KCNK10: variants seen among roughly 807,000 people sequenced by gnomAD.
KCNK10 encodes the protein potassium channel subfamily K member 10.
Under a neutral mutation model 47.7 loss-of-function variants are expected in KCNK10, and 25 were observed. That is an observed-to-expected ratio of 0.52 (90% CI 0.38 to 0.73). The LOEUF (loss-of-function observed/expected upper bound fraction) is 0.73. KCNK10 is among the 30% of genes least tolerant of loss of function. The pLI, the probability that KCNK10 is intolerant of heterozygous loss-of-function variation, is 0.00. For synonymous variants in KCNK10, 303 were observed against 285.6 expected (o/e 1.06, Z -0.61); for missense variants, 563 against 714.5 (o/e 0.79, Z 2.42).
intron 1 of KCNK10, among the ~76,000 whole-genome samples, chr14:88,281,710 A>ATC (rs1201508760): frequency 1.5e-5 from 2 of 136,010 alleles, no homozygotes; most frequent in Admixed American, 7.9e-5. Context: ...AAATAAATAA[A>ATC]TCTCTCTCTC....
intron 5 of KCNK10, among the ~76,000 whole-genome samples, chr14:88,189,687 T>G (rs1051979187): frequency 1.4e-4 from 21 of 152,142 alleles, no homozygotes; most frequent in African/African-American, 4.6e-4. Flanking sequence ...GCAAAATAAA[T>G]CAGCAATCAA....
At chr14:88,250,728 G>A (rs1324417722) in intron 2 of KCNK10, among the ~76,000 whole-genome samples, 1 of 152,144 alleles carries the variant, frequency 6.6e-6, no homozygotes, top group East Asian at 1.9e-4. Context: ...AAGACAACAA[G>A]GTGAGTTTTT....
In KCNK10 at chr14:88,269,197, T is replaced by G. The variant is rs544964988; in HGVS notation, c.53-5646A>C. On this transcript the variant is annotated intron_variant, in intron 1 of 6. Coordinates refer to ENST00000319231, the MANE Select transcript of KCNK10 (RefSeq NM_138317.3). ...CCTAAATGTGGGTGATATGGAGGGG[T>G]ACATGTGGAAATCTGCTTTTTCATG... Among the ~76,000 whole-genome samples the G allele has an allele frequency of 1.3e-4, 20 of 152,198 alleles. No homozygotes were observed. In the South Asian group the frequency reaches 4.1e-3, roughly 32 times the overall value.
chr14:88,290,053 G>T (rs1005864558), intron 1 of KCNK10, among the ~76,000 whole-genome samples: 3 of 152,202 alleles, frequency 2.0e-5, no homozygotes, highest in African/African-American at 7.2e-5. Context: ...GTCCCCCAAA[G>T]ATGTCCATGT....
intron 1 of KCNK10, among the ~76,000 whole-genome samples, chr14:88,266,465 T>A (rs1348410781): frequency 3.9e-5 from 6 of 152,206 alleles, no homozygotes; most frequent in Non-Finnish European, 8.8e-5. Flanking sequence ...AGGCCCAGCG[T>A]GCTGATCTTC....
At chr14:88,225,707 T>C (rs555256020) in intron 4 of KCNK10, among the ~76,000 whole-genome samples, 1 of 152,340 alleles carries the variant, frequency 6.6e-6, no homozygotes, top group Admixed American at 6.5e-5. Context: ...GCCAGATCAG[T>C]CATTTCCCCA....
intron 4 of KCNK10, among the ~76,000 whole-genome samples, chr14:88,207,823 T>C (rs1008434007): frequency 6.6e-6 from 1 of 152,000 alleles, no homozygotes; most frequent in Admixed American, 6.5e-5. Context: ...GAGATGAATG[T>C]TATTCTTGGG....
chr14:88,259,696 A>G (rs1887055550), intron 2 of KCNK10, among the ~76,000 whole-genome samples: 2 of 152,174 alleles, frequency 1.3e-5, no homozygotes, highest in Non-Finnish European at 2.9e-5. Flanking sequence ...GGCTCAAGCA[A>G]TCCATCCGCC....
At position 88,192,316 on chromosome 14, in the gene KCNK10, A is replaced by G; in HGVS notation, c.776T>C (p.Ile259Thr). The change falls in exon 5 of 7, where the codon ATC (isoleucine) becomes ACC (threonine). Residue 259 changes from isoleucine to threonine, a missense_variant. By Grantham distance (89) the Ile-to-Thr change is moderately conservative. Transcript: ENST00000319231. ...CIVFVTIPAV[I>T]FKYIEGWTAL... ...CGTCCAGCCCTCGATGTACTTAAAGATGACAGCAGGGATCGTCACAAACAC... is the reference window on the plus strand; with the variant it reads ...CGTCCAGCCCTCGATGTACTTAAAGGTGACAGCAGGGATCGTCACAAACAC... 6.2e-7 allele frequency: 1 copy of G among 1,614,180 alleles called. No individual in the cohort carries two copies. The highest frequency in any genetic ancestry group is 8.5e-7 in the Non-Finnish European group (1 of 1,180,030).
intron 1 of KCNK10, among the ~76,000 whole-genome samples, chr14:88,300,742 A>T (rs1311589432): frequency 1.3e-5 from 2 of 152,222 alleles, no homozygotes; most frequent in Admixed American, 1.3e-4. Flanking sequence ...ATCTGGATTC[A>T]TTCCTAATGC....
chr14:88,235,968 A>G (rs1886287440), intron 3 of KCNK10, among the ~76,000 whole-genome samples: 1 of 152,218 alleles, frequency 6.6e-6, no homozygotes. Context: ...GTTTCCCCCA[A>G]CAGCTGCATA....
chr14:88,235,773 C>T (rs1311642523), intron 3 of KCNK10, among the ~76,000 whole-genome samples: 1 of 151,836 alleles, frequency 6.6e-6, no homozygotes, highest in Non-Finnish European at 1.5e-5. Flanking sequence ...CTGTAATCTC[C>T]CAAAGAACAA....
At chr14:88,192,492 G>A in intron 4 of KCNK10, 82 bp from the exon 5 acceptor site, 1 of 1,217,996 alleles carries the variant, frequency 8.2e-7, no homozygotes, top group South Asian at 1.4e-5. Flanking sequence ...AAACGGTACT[G>A]TGTCAGTGAC....
intron 4 of KCNK10, among the ~76,000 whole-genome samples, chr14:88,222,656 A>T (rs1885855686): frequency 6.6e-6 from 1 of 152,086 alleles, no homozygotes; most frequent in Non-Finnish European, 1.5e-5. Context: ...GGGCAAGGGG[A>T]TATGGGATAT....
upstream of KCNK10, among the ~76,000 whole-genome samples, chr14:88,324,578 G>GGC (rs1346308358): frequency 1.3e-5 from 2 of 152,112 alleles, no homozygotes; most frequent in Non-Finnish European, 2.9e-5. Flanking sequence ...CTGGCCATAT[G>GGC]GCAGAGAACA....
At chr14:88,217,729 CT>C (rs112016929) in intron 4 of KCNK10, among the ~76,000 whole-genome samples, 50 of 146,980 alleles carry the variant, frequency 3.4e-4, no homozygotes, top group African/African-American at 7.0e-4. Flanking sequence ...TAATTTGAAT[CT>C]TTTTTTTTTT....
intron 1 of KCNK10, among the ~76,000 whole-genome samples, chr14:88,291,712 G>C (rs116103008): frequency 0.011 from 1,671 of 152,292 alleles, 39 homozygotes; most frequent in African/African-American, 0.039. Context: ...ATGCCCTCTG[G>C]AGGTGTGCAA....
intron 2 of KCNK10, among the ~76,000 whole-genome samples, chr14:88,242,514 G>A (rs552137343): frequency 1.3e-5 from 2 of 152,332 alleles, no homozygotes; most frequent in South Asian, 4.1e-4. Context: ...CAAGTCGTGA[G>A]TCTATTCTTT....
At chr14:88,242,016 A>G (rs549801688) in intron 2 of KCNK10, among the ~76,000 whole-genome samples, 1 of 152,370 alleles carries the variant, frequency 6.6e-6, no homozygotes, top group African/African-American at 2.4e-5. Flanking sequence ...GACAGGTGGA[A>G]GCCTTGGAGA....
Sources: gnomAD v4.1 joint callset for allele counts (sites outside exome capture counted in the v4.1 genomes callset) on GRCh38, gnomAD v4.1.1 for gene constraint, MANE v1.5 for transcripts, NCBI Gene and HGNC (gene_info 2026-07-23, HGNC 2026-07-21) for gene names.